FOCAD: variants seen among roughly 807,000 people sequenced by gnomAD.
FOCAD encodes KIAA1797.
FOCAD carries 198 observed loss-of-function variants against 225.6 expected under a neutral mutation model. The ratio of observed to expected loss-of-function variants is 0.88; its 90% CI spans 0.78 to 0.99. FOCAD has a LOEUF of 0.99. Ranked by LOEUF, FOCAD falls within the 50% of genes least tolerant of loss-of-function variation. The pLI, the probability that FOCAD is intolerant of heterozygous loss-of-function variation, is 0.00. For missense variants in FOCAD, 2,713 were observed against 2,123.6 expected (o/e 1.28, Z -5.46); for synonymous variants, 897 against 755.0 (o/e 1.19, Z -3.08).
At chr9:20,908,082 T>A (rs1046609660) in intron 22 of FOCAD, among the ~76,000 whole-genome samples, 1 of 152,142 alleles carries the variant, frequency 6.6e-6, no homozygotes, top group African/African-American at 2.4e-5. Context: ...TGTGAATTTT[T>A]AAATTTAGAA....
intron 28 of FOCAD, among the ~76,000 whole-genome samples, chr9:20,941,281 C>T (rs1354371072): frequency 1.3e-5 from 2 of 152,208 alleles, no homozygotes; most frequent in African/African-American, 4.8e-5. Context: ...CTAGTGGTAG[C>T]TCATTGTGCC....
chr9:20,710,608 A>C (rs78797074), intron 1 of FOCAD, among the ~76,000 whole-genome samples: 1 of 151,918 alleles, frequency 6.6e-6, no homozygotes, highest in African/African-American at 2.4e-5. Context: ...AAAAAAAAAA[A>C]TAATAATATA....
intron 11 of FOCAD, among the ~76,000 whole-genome samples, chr9:20,813,770 C>G (rs899432310): frequency 6.6e-6 from 1 of 152,094 alleles, no homozygotes. Context: ...TTGAAGTGCT[C>G]TGTTTTCTTA....
At chr9:20,668,144 A>G (rs1307716245) in intron 2 of FOCAD, among the ~76,000 whole-genome samples, 2 of 152,170 alleles carry the variant, frequency 1.3e-5, no homozygotes, top group Admixed American at 1.3e-4. Flanking sequence ...TCATTTTTGT[A>G]TTTTTAAGAG....
At chr9:20,868,317 T>G (rs1268184039) in intron 18 of FOCAD, among the ~76,000 whole-genome samples, 1 of 152,140 alleles carries the variant, frequency 6.6e-6, no homozygotes, top group Non-Finnish European at 1.5e-5. Flanking sequence ...ATTACCCTTA[T>G]TTTTACCTTT....
intron 4 of FOCAD, among the ~76,000 whole-genome samples, chr9:20,731,647 C>T (rs564577092): frequency 3.2e-3 from 483 of 152,098 alleles, no homozygotes; most frequent in Admixed American, 4.3e-3. Context: ...CACAGAGTTT[C>T]GTTCTTGTTG....
intron 29 of FOCAD, among the ~76,000 whole-genome samples, chr9:20,945,797 T>C (rs764198159): frequency 6.6e-6 from 1 of 152,226 alleles, no homozygotes; most frequent in Non-Finnish European, 1.5e-5. Context: ...TGTTTTATTA[T>C]TCAACTTCTG....
At chr9:20,985,981 C>A (rs1841116548) in intron 39 of FOCAD, among the ~76,000 whole-genome samples, 1 of 152,116 alleles carries the variant, frequency 6.6e-6, no homozygotes. Flanking sequence ...ATGCCTGGCA[C>A]ACAGTAAGTA....
intron 16 of FOCAD, 134 bp downstream of exon 16, chr9:20,862,846 G>A: frequency 2.1e-6 from 2 of 946,012 alleles, no homozygotes; most frequent in East Asian, 5.3e-5. Flanking sequence ...TATGTTTATG[G>A]ACTCTTAGGA....
rs191113241 is a variant in FOCAD, at chr9:20,737,807, C to G, written c.288-2429C>G. ...GCATCCCTGAGACCTGGTAAGTTAGCTTACAAAATTCATATATTTGGAGGA... is the reference window on the plus strand; with the variant it reads ...GCATCCCTGAGACCTGGTAAGTTAGGTTACAAAATTCATATATTTGGAGGA... On this transcript the variant is annotated intron_variant, in intron 4 of 43. Transcript: ENST00000338382. 8.9e-3 allele frequency among the ~76,000 whole-genome samples: 1,356 copies of G among 152,316 alleles called. 11 individuals are homozygous for G. Among genetic ancestry groups the G allele is most frequent in the Non-Finnish European group, 0.016 (1,072 of 68,024 alleles).
At chr9:20,691,565 C>G (rs890846046) in intron 1 of FOCAD, among the ~76,000 whole-genome samples, 1 of 147,482 alleles carries the variant, frequency 6.8e-6, no homozygotes, top group Non-Finnish European at 1.5e-5. Context: ...CACTGCAAGC[C>G]GCACCTCCCG....
rs148234430 is a variant in FOCAD at position 20,929,442 on chromosome 9, A to T, written c.3163A>T (p.Ile1055Phe). ...TALSLLVPVF[I>F]ISCKEKVEEI... ...TTTGTCTCTCCTTGTGCCAGTTTTC[A>T]TTATCTCTTGCAAAGAGAAGGTTGA... Residue 1055 changes from isoleucine to phenylalanine, a missense_variant, in exon 27 of 44, where the codon ATT becomes TTT. Coordinates refer to ENST00000338382, the MANE Select transcript of FOCAD (RefSeq NM_001375567.1). 4 of 1,613,974 alleles carry T rather than the reference A, an allele frequency of 2.5e-6. No homozygotes were observed. Among genetic ancestry groups the T allele is most frequent in the Non-Finnish European group, 3.4e-6 (4 of 1,180,026 alleles).
intron 18 of FOCAD, among the ~76,000 whole-genome samples, chr9:20,869,763 C>T (rs929546584): frequency 4.6e-5 from 7 of 152,102 alleles, no homozygotes; most frequent in African/African-American, 1.2e-4. Context: ...ATACTAAGTG[C>T]TAGGTCCGAT....
At chr9:20,919,222 A>G (rs1326142842) in intron 24 of FOCAD, among the ~76,000 whole-genome samples, 1 of 152,202 alleles carries the variant, frequency 6.6e-6, no homozygotes. Flanking sequence ...CAATTGCTTC[A>G]AAGAGAATAA....
Position 20,778,699 on chromosome 9 carries a change from G to C in FOCAD, c.925G>C (p.Val309Leu). The change falls in exon 9 of 44, where the codon GTC (valine) becomes CTC (leucine). Residue 309 changes from valine (V) to leucine (L), a missense_variant. Physicochemically the swap from Val to Leu is conservative, Grantham distance 32. Transcript: ENST00000338382. ...LLKEDFPVELVIIGIALLLLQ... is the reference protein window; with the variant it reads ...LLKEDFPVELLIIGIALLLLQ... ...CTTTTAGGATTTTCCTGTTGAACTG[G>C]TCATAATTGGAATAGCTTTACTACT... is the stretch of plus-strand genomic sequence containing the variant. 6.2e-7 allele frequency: 1 copy of C among 1,610,228 alleles called. No homozygotes were observed. The highest frequency in any genetic ancestry group is 1.1e-5 in the South Asian group (1 of 90,836).
At chr9:20,704,484 C>T (rs966479066) in intron 1 of FOCAD, among the ~76,000 whole-genome samples, 8 of 152,102 alleles carry the variant, frequency 5.3e-5, no homozygotes, top group African/African-American at 1.9e-4. Flanking sequence ...TGTAATCAGT[C>T]TATATAGTTC....
intron 43 of FOCAD, among the ~76,000 whole-genome samples, chr9:20,994,997 A>C (rs1462647545): frequency 6.6e-6 from 1 of 152,030 alleles, no homozygotes; most frequent in African/African-American, 2.4e-5. Flanking sequence ...AAATTACTTA[A>C]AGGAAGTACA....
intron 11 of FOCAD, among the ~76,000 whole-genome samples, chr9:20,797,611 C>T (rs1166320667): frequency 6.6e-6 from 1 of 152,070 alleles, no homozygotes; most frequent in Non-Finnish European, 1.5e-5. Context: ...TGATTTGGCT[C>T]TCTGTTTGTT....
chr9:20,808,781 G>A (rs577904940), intron 11 of FOCAD, among the ~76,000 whole-genome samples: 2 of 152,106 alleles, frequency 1.3e-5, no homozygotes, highest in Non-Finnish European at 2.9e-5. Context: ...TGCTGTGGCC[G>A]GCTTAGCTAC....
Sources: gnomAD v4.1 joint callset for allele counts (sites outside exome capture counted in the v4.1 genomes callset) on GRCh38, gnomAD v4.1.1 for gene constraint, MANE v1.5 for transcripts, NCBI Gene and HGNC (gene_info 2026-07-23, HGNC 2026-07-21) for gene names.